LDB3: variants seen among roughly 807,000 people sequenced by gnomAD.
LDB3 encodes LIM domain binding 3.
A neutral mutation model predicts 69.0 loss-of-function variants in LDB3; 49 were observed. That is an observed-to-expected ratio of 0.71 (90% CI 0.56 to 0.90). The LOEUF is 0.90. Ranked by LOEUF, LDB3 falls within the 40% of genes least tolerant of loss-of-function variation. The pLI, the probability that LDB3 is intolerant of heterozygous loss-of-function variation, is 0.00. For synonymous variants in LDB3, 387 were observed against 396.2 expected (o/e 0.98, Z 0.28); for missense variants, 928 against 974.1 (o/e 0.95, Z 0.63).
At chr10:86,714,568 T>A (rs1470693450) in intron 9 of LDB3, among the ~76,000 whole-genome samples, 1 of 150,110 alleles carries the variant, frequency 6.7e-6, no homozygotes, top group Non-Finnish European at 1.5e-5. Flanking sequence ...TTTTTTTTTT[T>A]TTTTTGAGAT....
At chr10:86,677,579 C>A (rs1333231175) in intron 2 of LDB3, among the ~76,000 whole-genome samples, 1 of 152,160 alleles carries the variant, frequency 6.6e-6, no homozygotes. Context: ...GTGTGGCCTT[C>A]CTGAGATTCC....
At chr10:86,681,844 C>G in intron 5 of LDB3, 41 bp downstream of exon 5, 1 of 1,535,912 alleles carries the variant, frequency 6.5e-7, no homozygotes, top group Non-Finnish European at 8.7e-7. Context: ...TGGCCTGGGC[C>G]ACCTGGGTCC....
At chr10:86,670,191 G>A (rs1354131153) in intron 2 of LDB3, among the ~76,000 whole-genome samples, 2 of 152,116 alleles carry the variant, frequency 1.3e-5, no homozygotes, top group Non-Finnish European at 2.9e-5. Flanking sequence ...TCCTTCAGTT[G>A]CAGATGTGGC....
rs774522676 is a variant in LDB3 at position 86,706,690 on chromosome 10, C to T, written c.1056C>T (p.Ala352=). 6.2e-7 allele frequency: 1 copy of T among 1,612,870 alleles called. No homozygotes were observed. Among genetic ancestry groups the T allele is most frequent in the Non-Finnish European group, 8.5e-7 (1 of 1,179,772 alleles). The change falls in exon 8 of 14, where the codon GCC becomes GCT. Residue 352 remains alanine, a synonymous_variant. Coordinates refer to ENST00000361373, the MANE Select transcript of LDB3 (RefSeq NM_007078.3). ...CCATCGCCTCCGCCTCCACCACAGC[C>T]CCTGCTTCAAGTCCTGCCGACAGCC... is the stretch of plus-strand genomic sequence containing the variant. The part of the protein sequence containing the change: ...HTAIASASTT[A]PASSPADSPR...
At chr10:86,675,409 G>T (rs1321148098) in intron 2 of LDB3, among the ~76,000 whole-genome samples, 1 of 152,250 alleles carries the variant, frequency 6.6e-6, no homozygotes, top group Non-Finnish European at 1.5e-5. Context: ...TGCTCATGCT[G>T]TCATCATGAT....
intron 2 of LDB3, among the ~76,000 whole-genome samples, chr10:86,674,858 G>A (rs1467766652): frequency 6.6e-6 from 1 of 152,132 alleles, no homozygotes. Flanking sequence ...AGGGTCTGAG[G>A]GTGCCCCCCT....
At chr10:86,729,272 G>T (rs1847375630) in intron 13 of LDB3, among the ~76,000 whole-genome samples, 1 of 152,206 alleles carries the variant, frequency 6.6e-6, no homozygotes, top group African/African-American at 2.4e-5. Flanking sequence ...CAAGTCCAAA[G>T]CATATAAAGT....
At chr10:86,712,512 A>G (rs1404389085) in intron 9 of LDB3, among the ~76,000 whole-genome samples, 1 of 152,038 alleles carries the variant, frequency 6.6e-6, no homozygotes. Context: ...TAAGCAGTTC[A>G]CCAGCTGGAT....
rs1847554441 is a variant in LDB3 at position 86,733,998 on chromosome 10, T to G, written c.*1022T>G. On this transcript the variant is annotated 3_prime_UTR_variant, in exon 14 of 14. Transcript: ENST00000361373. ...CAGTGTCTGAAACAGGATGGCAGAA[T>G]AGGCTCACATGCCCAAACTCTGGGT... The G allele has an allele frequency of 1.3e-5, 2 of 152,186 alleles. No homozygotes were observed. The highest frequency in any genetic ancestry group is 2.9e-5 in the Non-Finnish European group (2 of 68,056). The allele number at this position is 152,186 out of a possible 1,614,324, so 9.4% of individuals were successfully genotyped here.
At chr10:86,692,118 CCAGGGACCTGGGCCCAG>C (rs1845794101) in intron 6 of LDB3, 53 bp downstream of exon 6, 2 of 1,600,002 alleles carry the variant, frequency 1.3e-6, no homozygotes, top group Admixed American at 3.4e-5. Context: ...TGAGGGGCCA[CCAGGGACCTGGGCCCAG>C]CACTGCAGAA....
rs1357647461 is a variant in LDB3, at chr10:86,676,512, C to T, written c.94-2855C>T. Among the ~76,000 whole-genome samples, 3 of 145,936 alleles carry T rather than the reference C, an allele frequency of 2.1e-5. No individual in the cohort carries two copies. The East Asian group carries it at 6.1e-4, about 30-fold the overall frequency. ...CCCAGGAGGCGGAGGTTGCAGTGAG[C>T]CGAGATGATGCCATTGCACTCCAGC... On this transcript the variant is annotated intron_variant, in intron 2 of 13. Coordinates refer to ENST00000361373, the MANE Select transcript of LDB3 (RefSeq NM_007078.3).
intron 2 of LDB3, among the ~76,000 whole-genome samples, chr10:86,671,538 G>A (rs2132330713): frequency 1.3e-5 from 2 of 152,226 alleles, no homozygotes; most frequent in Middle Eastern, 6.8e-3. Flanking sequence ...TCCTGGACAG[G>A]TGTGGCTGGG....
In LDB3 at chr10:86,732,965, A is replaced by C. The variant is rs1554870749; in HGVS notation, c.2173A>C (p.Ile725Leu). ...CCTGTGCAAGAAGCACGCACACACC[A>C]TCAACTTGTAGGCGGCCAAGGCCGC... ...RPLCKKHAHT[I>L]NL Residue 725 changes from isoleucine to leucine, a missense_variant, in exon 14 of 14, where the codon ATC (isoleucine) becomes CTC (leucine). Transcript: ENST00000361373. 1.5e-5 allele frequency: 24 copies of C among 1,613,390 alleles called. No homozygotes were observed. The highest frequency in any genetic ancestry group is 2.0e-5 in the Non-Finnish European group (24 of 1,179,582).
chr10:86,695,651 C>T (rs1444597873), intron 7 of LDB3, among the ~76,000 whole-genome samples: 4 of 152,212 alleles, frequency 2.6e-5, no homozygotes, highest in South Asian at 4.1e-4. Flanking sequence ...CAGTTTCCAT[C>T]GGAGGTAGCT....
chr10:86,726,378 C>G (rs1297346250), intron 13 of LDB3, 126 bp downstream of exon 13: 5 of 738,658 alleles, frequency 6.8e-6, no homozygotes, highest in Non-Finnish European at 1.2e-5. Context: ...TTTTTAAAAG[C>G]TGGCAAACAC....
chr10:86,686,137 A>C (rs936439599), intron 5 of LDB3, among the ~76,000 whole-genome samples: 25 of 152,088 alleles, frequency 1.6e-4, no homozygotes, highest in Admixed American at 1.3e-4. Flanking sequence ...CTGTGGGTAG[A>C]GGATGGCCAG....
At position 86,733,266 on chromosome 10, in the gene LDB3, C is replaced by A. The variant is rs1292991462; in HGVS notation, c.*290C>A. On this transcript the variant is annotated 3_prime_UTR_variant, in exon 14 of 14. Coordinates refer to ENST00000361373, the MANE Select transcript of LDB3 (RefSeq NM_007078.3). ...CCAAGAACTCAAAAGTGAAAAGCAA[C>A]AAGCAGCTTTCCCAAAGCGATACAC... is the stretch of plus-strand genomic sequence containing the variant. 3 of 399,240 alleles carry A rather than the reference C, an allele frequency of 7.5e-6. No homozygotes were observed. The highest frequency in any genetic ancestry group is 9.5e-6 in the Non-Finnish European group (2 of 210,474). The allele number at this position is 399,240 out of a possible 1,614,324, so 24.7% of individuals were successfully genotyped here.
intron 12 of LDB3, among the ~76,000 whole-genome samples, chr10:86,725,302 C>T (rs964625788): frequency 1.1e-4 from 17 of 152,246 alleles, no homozygotes; most frequent in African/African-American, 3.9e-4. Flanking sequence ...CTGGCTGGGC[C>T]CTTCACCTCT....
At position 86,692,526 on chromosome 10, in the gene LDB3, T is replaced by C; in HGVS notation, c.860-9T>C. The C allele has an allele frequency of 6.2e-7, 1 of 1,614,132 alleles. No homozygotes were observed. Among genetic ancestry groups the C allele is most frequent in the Non-Finnish European group, 8.5e-7 (1 of 1,179,952 alleles). On this transcript the variant is annotated splice_polypyrimidine_tract_variant and intron_variant, in intron 6 of 13. Transcript: ENST00000361373. ...GTGAGTCCCCTGACCAGCTCCTTTC[T>C]ACCAACAGTGCAAGACCCTGATGAA...
Sources: gnomAD v4.1 joint callset for allele counts (sites outside exome capture counted in the v4.1 genomes callset) on GRCh38, gnomAD v4.1.1 for gene constraint, MANE v1.5 for transcripts, NCBI Gene and HGNC (gene_info 2026-07-23, HGNC 2026-07-21) for gene names.